LCLAT1: variants seen among roughly 807,000 people sequenced by gnomAD.
The protein encoded by LCLAT1 is 1-AGP acyltransferase 8.
LCLAT1 carries 11 observed loss-of-function variants against 30.7 expected under a neutral mutation model. That is an observed-to-expected ratio of 0.36 (90% CI 0.23 to 0.59). The LOEUF (loss-of-function observed/expected upper bound fraction) is 0.59. LCLAT1 is among the 20% of genes least tolerant of loss of function. LCLAT1 has a pLI of 0.77. For synonymous variants in LCLAT1, 155 were observed against 151.3 expected, an observed-to-expected ratio of 1.02 and a Z score of -0.18; for missense variants, 402 against 458.6, an observed-to-expected ratio of 0.88 and a Z score of 1.13.
intron 1 of LCLAT1, among the ~76,000 whole-genome samples, chr2:30,477,695 A>G (rs1349890579): frequency 6.6e-6 from 1 of 152,196 alleles, no homozygotes. Context: ...ATGAGAAGGA[A>G]TGTGAGAAGA....
intron 2 of LCLAT1, among the ~76,000 whole-genome samples, chr2:30,526,369 C>T (rs776327532): frequency 6.6e-6 from 1 of 152,074 alleles, no homozygotes; most frequent in African/African-American, 2.4e-5. Context: ...TGTTTTCAAG[C>T]TCAATGACCC....
chr2:30,527,123 A>C (rs971670508), intron 2 of LCLAT1, among the ~76,000 whole-genome samples: 1 of 152,206 alleles, frequency 6.6e-6, no homozygotes, highest in African/African-American at 2.4e-5. Context: ...AGATACTTCT[A>C]AAACGTCATC....
intron 1 of LCLAT1, among the ~76,000 whole-genome samples, chr2:30,462,632 C>G (rs185366850): frequency 1.3e-5 from 2 of 152,342 alleles, no homozygotes; most frequent in African/African-American, 4.8e-5. Flanking sequence ...GCAGCATAGT[C>G]TTTTAACTGA....
At chr2:30,475,070 T>A (rs1027833793) in intron 1 of LCLAT1, among the ~76,000 whole-genome samples, 1 of 152,026 alleles carries the variant, frequency 6.6e-6, no homozygotes, top group Non-Finnish European at 1.5e-5. Context: ...CAATCATAGC[T>A]CATTGTATCC....
intron 3 of LCLAT1, among the ~76,000 whole-genome samples, chr2:30,535,185 A>G (rs1437204949): frequency 1.3e-5 from 2 of 152,188 alleles, no homozygotes; most frequent in Non-Finnish European, 2.9e-5. Flanking sequence ...TATGAAATCA[A>G]GCAGGAGAGG....
At chr2:30,502,522 T>TC (rs1684449573) in intron 1 of LCLAT1, among the ~76,000 whole-genome samples, 3 of 152,146 alleles carry the variant, frequency 2.0e-5, no homozygotes, top group Admixed American at 2.0e-4. Flanking sequence ...CACCTCACAT[T>TC]CCCACTGTCC....
intron 1 of LCLAT1, among the ~76,000 whole-genome samples, chr2:30,479,414 A>G (rs947312515): frequency 6.6e-6 from 1 of 151,918 alleles, no homozygotes; most frequent in Non-Finnish European, 1.5e-5. Context: ...TGCTCAAGCT[A>G]TCCTCCCATT....
intron 1 of LCLAT1, among the ~76,000 whole-genome samples, chr2:30,456,865 A>G (rs1445787186): frequency 6.6e-6 from 1 of 152,150 alleles, no homozygotes; most frequent in Admixed American, 6.5e-5. Context: ...CAGTAGGAAA[A>G]ACTACATTTA....
intron 5 of LCLAT1, among the ~76,000 whole-genome samples, chr2:30,584,850 C>T (rs188955027): frequency 5.4e-5 from 8 of 148,862 alleles, no homozygotes. Flanking sequence ...ATCTTTCCAA[C>T]AATGTTCCTT....
intron 1 of LCLAT1, among the ~76,000 whole-genome samples, chr2:30,496,127 T>C (rs829647): frequency 0.22 from 33,839 of 151,954 alleles, 3,857 homozygotes; most frequent in East Asian, 0.35. Flanking sequence ...AAGTGCTACA[T>C]ATTTTTATAA....
chr2:30,493,151 A>AT (rs1353254177), intron 1 of LCLAT1, among the ~76,000 whole-genome samples: 1 of 152,158 alleles, frequency 6.6e-6, no homozygotes, highest in Admixed American at 6.5e-5. Flanking sequence ...TACTCAGTAA[A>AT]TTTTGTCTCC....
chr2:30,598,396 C>G (rs1667025790), intron 5 of LCLAT1, among the ~76,000 whole-genome samples: 1 of 150,206 alleles, frequency 6.7e-6, no homozygotes, highest in African/African-American at 2.4e-5. Context: ...AAGAATTTAT[C>G]CATTTCTTCT....
At chr2:30,492,873 C>T (rs1216316001) in intron 1 of LCLAT1, among the ~76,000 whole-genome samples, 1 of 152,006 alleles carries the variant, frequency 6.6e-6, no homozygotes, top group African/African-American at 2.4e-5. Context: ...TGCACTGACT[C>T]TGTGAATTTC....
chr2:30,593,402 GATCTATGC>G (rs1490088441), intron 5 of LCLAT1, among the ~76,000 whole-genome samples: 2 of 152,120 alleles, frequency 1.3e-5, no homozygotes, highest in African/African-American at 4.8e-5. Flanking sequence ...CATACTGATT[GATCTATGC>G]ATCTGTTTTT....
chr2:30,493,535 A>T (rs531345196), intron 1 of LCLAT1, among the ~76,000 whole-genome samples: 2 of 152,264 alleles, frequency 1.3e-5, no homozygotes, highest in South Asian at 4.1e-4. Flanking sequence ...GTGCAGTTAA[A>T]TTTTTTTAAC....
intron 5 of LCLAT1, among the ~76,000 whole-genome samples, chr2:30,621,241 C>G (rs1668232489): frequency 6.6e-6 from 1 of 152,156 alleles, no homozygotes; most frequent in Non-Finnish European, 1.5e-5. Context: ...AAAGTTACTA[C>G]TACAATGAAT....
chr2:30,539,900 CT>C (rs1459236911), intron 3 of LCLAT1, among the ~76,000 whole-genome samples: 1 of 152,156 alleles, frequency 6.6e-6, no homozygotes, highest in African/African-American at 2.4e-5. Context: ...AATAATTTGC[CT>C]TGTTCCACAT....
intron 1 of LCLAT1, among the ~76,000 whole-genome samples, chr2:30,516,465 C>A (rs1685189160): frequency 6.6e-6 from 1 of 152,218 alleles, no homozygotes; most frequent in Non-Finnish European, 1.5e-5. Context: ...GCCATTGTTT[C>A]TGCGCGGCTA....
At chr2:30,487,155 G>A (rs1490033623) in intron 1 of LCLAT1, among the ~76,000 whole-genome samples, 1 of 152,176 alleles carries the variant, frequency 6.6e-6, no homozygotes, top group Non-Finnish European at 1.5e-5. Context: ...TAGACCTTTG[G>A]AAGAAAGTGA....
Sources: allele counts gnomAD v4.1 joint callset (sites outside exome capture counted in the v4.1 genomes callset), GRCh38; gene constraint gnomAD v4.1.1; transcripts MANE v1.5; gene names NCBI Gene and HGNC (gene_info 2026-07-23, HGNC 2026-07-21).